The following TMEM131 variants were observed in gnomAD, a reference collection of about 807,000 sequenced individuals.
TMEM131 encodes the protein 2610524E03Rik.
TMEM131 carries 66 observed loss-of-function variants against 211.6 expected under a neutral mutation model. That is an observed-to-expected ratio of 0.31 (90% CI 0.26 to 0.38). The LOEUF is 0.38. Ranked by LOEUF, TMEM131 falls within the 10% of genes least tolerant of loss-of-function variation. TMEM131 has a pLI of 1.00. For synonymous variants in TMEM131, 844 were observed against 841.3 expected (o/e 1.00, Z -0.06); for missense variants, 2,036 against 2,299.3 (o/e 0.89, Z 2.34).
intron 4 of TMEM131, among the ~76,000 whole-genome samples, chr2:97,872,524 G>A (rs1674530936): frequency 6.6e-6 from 1 of 152,190 alleles, no homozygotes; most frequent in Non-Finnish European, 1.5e-5. Context: ...CCAGCGAGAT[G>A]GATGCAGAAG....
chr2:97,792,649 G>C lies in TMEM131; in HGVS notation c.3881C>G (p.Ala1294Gly). The C allele has an allele frequency of 1.9e-6, 3 of 1,613,878 alleles. No individual in the cohort carries two copies. Among genetic ancestry groups the C allele is most frequent in the South Asian group, 1.1e-5 (1 of 91,076 alleles). ...KQSQHGSQHHAHSPLEQHPQP... is the reference protein window; with the variant it reads ...KQSQHGSQHHGHSPLEQHPQP... ...AGGGTGCTGCTCCAGCGGGCTGTGG[G>C]CATGGTGCTGGCTGCCGTGCTGGCT... Residue 1294 changes from alanine to glycine, a missense_variant, in exon 31 of 41, where the codon GCC becomes GGC. This residue lies in a region of TMEM131 where 1,623 missense variants were observed against 1,805.9 expected (regional missense o/e 0.90). Transcript: ENST00000186436.
chr2:97,795,962 G>T (rs913066348), intron 28 of TMEM131, among the ~76,000 whole-genome samples: 14 of 152,080 alleles, frequency 9.2e-5, no homozygotes, highest in Admixed American at 3.3e-4. Flanking sequence ...AAGATTATCT[G>T]ATCCACTTCG....
intron 3 of TMEM131, among the ~76,000 whole-genome samples, chr2:97,902,077 T>A (rs1027135250): frequency 8.6e-5 from 13 of 151,740 alleles, no homozygotes; most frequent in African/African-American, 1.5e-4. Flanking sequence ...ATATGTATTA[T>A]GCAATAATAA....
chr2:97,991,364 G>C (rs1435560625), intron 1 of TMEM131, among the ~76,000 whole-genome samples: 2 of 152,236 alleles, frequency 1.3e-5, no homozygotes, highest in African/African-American at 2.4e-5. Context: ...CGGTAGGAGA[G>C]AGGCTGCTGC....
chr2:97,841,792 C>A, intron 7 of TMEM131, 23 bp downstream of exon 7: 2 of 1,545,196 alleles, frequency 1.3e-6, no homozygotes, highest in South Asian at 1.2e-5. Context: ...GAAGCTTATT[C>A]AAAATTACCA....
intron 3 of TMEM131, among the ~76,000 whole-genome samples, chr2:97,890,894 T>C (rs1675348961): frequency 6.6e-6 from 1 of 152,246 alleles, no homozygotes; most frequent in Non-Finnish European, 1.5e-5. Flanking sequence ...ATTTACAAAG[T>C]GCTCACAGAA....
chr2:97,875,144 T>G (rs959099636), intron 4 of TMEM131, among the ~76,000 whole-genome samples: 16 of 152,142 alleles, frequency 1.1e-4, no homozygotes, highest in African/African-American at 3.1e-4. Flanking sequence ...GGTAAAGGGA[T>G]CAATGCAACA....
chr2:97,865,925 C>G (rs1674251881), intron 4 of TMEM131, among the ~76,000 whole-genome samples: 4 of 152,142 alleles, frequency 2.6e-5, no homozygotes, highest in African/African-American at 9.7e-5. Flanking sequence ...CTCTGTCACC[C>G]AGGCTGGAAT....
intron 4 of TMEM131, among the ~76,000 whole-genome samples, chr2:97,879,869 T>C (rs1030930482): frequency 2.0e-5 from 3 of 152,168 alleles, no homozygotes; most frequent in African/African-American, 7.2e-5. Flanking sequence ...AGTAGTTAAG[T>C]TTTTGGGGAG....
At chr2:97,933,919 T>C (rs1197963435) in intron 1 of TMEM131, among the ~76,000 whole-genome samples, 1 of 152,118 alleles carries the variant, frequency 6.6e-6, no homozygotes, top group Non-Finnish European at 1.5e-5. Flanking sequence ...CTCTAGGTAA[T>C]ATCCTTCTTA....
At chr2:97,961,624 T>C (rs956762431) in intron 1 of TMEM131, among the ~76,000 whole-genome samples, 5 of 152,180 alleles carry the variant, frequency 3.3e-5, no homozygotes, top group Non-Finnish European at 7.4e-5. Flanking sequence ...ACTGCCTCCC[T>C]TTAAAGACTT....
At chr2:97,926,432 C>G (rs913177857) in intron 2 of TMEM131, among the ~76,000 whole-genome samples, 1 of 152,124 alleles carries the variant, frequency 6.6e-6, no homozygotes, top group Non-Finnish European at 1.5e-5. Context: ...CTGAGAAACA[C>G]TCTTCAACAT....
intron 18 of TMEM131, among the ~76,000 whole-genome samples, chr2:97,810,279 A>G (rs902547109): frequency 2.0e-5 from 3 of 152,106 alleles, no homozygotes. Flanking sequence ...GTAACTCTCA[A>G]AGCTACTTCT....
intron 4 of TMEM131, among the ~76,000 whole-genome samples, chr2:97,867,258 C>T (rs1205914109): frequency 6.6e-6 from 1 of 152,118 alleles, no homozygotes; most frequent in Non-Finnish European, 1.5e-5. Context: ...GATGGTATAG[C>T]CATTATTGAA....
At chr2:97,982,940 C>T (rs1013719735) in intron 1 of TMEM131, among the ~76,000 whole-genome samples, 1 of 152,130 alleles carries the variant, frequency 6.6e-6, no homozygotes, top group African/African-American at 2.4e-5. Flanking sequence ...TTGTTGGAGG[C>T]CACACAAATG....
At position 97,987,777 on chromosome 2, in the gene TMEM131, A is replaced by T. The variant is rs933310975; in HGVS notation, c.187+7699T>A. 1.6e-4 allele frequency among the ~76,000 whole-genome samples: 24 copies of T among 152,230 alleles called. 1 individual carries two copies. Among genetic ancestry groups the T allele is most frequent in the African/African-American group, 5.8e-4 (24 of 41,454 alleles). Reference sequence around the variant, plus strand: ...GAATAAACCTAACCAAGGAAGTGAAAGATTTGTACACTGAAAACTACAAAA... The same window carrying T: ...GAATAAACCTAACCAAGGAAGTGAATGATTTGTACACTGAAAACTACAAAA... On this transcript the variant is annotated intron_variant, in intron 1 of 40. Transcript: ENST00000186436.
chr2:97,823,639 T>C (rs985480287), intron 11 of TMEM131, among the ~76,000 whole-genome samples: 5 of 152,074 alleles, frequency 3.3e-5, no homozygotes, highest in African/African-American at 1.2e-4. Context: ...AGACTCAAGA[T>C]CATGGGGACT....
intron 4 of TMEM131, among the ~76,000 whole-genome samples, chr2:97,885,565 C>T (rs938475041): frequency 6.6e-5 from 10 of 151,912 alleles, no homozygotes; most frequent in Non-Finnish European, 1.5e-4. Context: ...GCTCACAGGT[C>T]CCCCACCCCC....
chr2:97,778,186 C>T (rs1408590677), intron 31 of TMEM131, among the ~76,000 whole-genome samples: 1 of 152,110 alleles, frequency 6.6e-6, no homozygotes, highest in Non-Finnish European at 1.5e-5. Flanking sequence ...AATGAATTTT[C>T]AAAAACTAAA....
Sources: allele counts gnomAD v4.1 joint callset (sites outside exome capture counted in the v4.1 genomes callset), GRCh38; gene constraint gnomAD v4.1.1; regional missense constraint gnomAD v4.1.1; transcripts MANE v1.5; gene names NCBI Gene and HGNC (gene_info 2026-07-23, HGNC 2026-07-21).